Variants in GPC5 observed in about 807,000 individuals in gnomAD.
GPC5 encodes glypican 5, also known as glypican-5.
GPC5 carries 47 observed loss-of-function variants against 53.9 expected under a neutral mutation model. The observed-to-expected ratio is 0.87, with a 90% CI of 0.69 to 1.11. The LOEUF is 1.11. GPC5 is among the 50% of genes most tolerant of loss of function. The pLI is 0.00. For synonymous variants in GPC5, 286 were observed against 263.3 expected (o/e 1.09, Z -0.84); for missense variants, 748 against 713.1 (o/e 1.05, Z -0.56).
intron 6 of GPC5, among the ~76,000 whole-genome samples, chr13:92,132,068 GAATAA>G (rs2041748872): frequency 1.3e-5 from 2 of 151,978 alleles, no homozygotes; most frequent in African/African-American, 4.8e-5. Flanking sequence ...TGATATAATA[GAATAA>G]AATACAGCAA....
intron 6 of GPC5, among the ~76,000 whole-genome samples, chr13:91,971,829 G>T (rs1412857164): frequency 6.6e-6 from 1 of 152,190 alleles, no homozygotes; most frequent in Non-Finnish European, 1.5e-5. Flanking sequence ...TGGTCTGAGA[G>T]ACAGTTTGTT....
chr13:91,648,815 G>A (rs1215308438), intron 2 of GPC5, among the ~76,000 whole-genome samples: 1 of 152,122 alleles, frequency 6.6e-6, no homozygotes, highest in African/African-American at 2.4e-5. Context: ...TGGAGACAGA[G>A]CAAAAGGAAA....
chr13:91,684,162 C>A (rs1443243506), intron 2 of GPC5, among the ~76,000 whole-genome samples: 1 of 151,998 alleles, frequency 6.6e-6, no homozygotes, highest in Admixed American at 6.6e-5. Flanking sequence ...TATTCTAATT[C>A]TTGTTGCTGG....
chr13:92,637,758 TATG>T (rs1186434019), intron 7 of GPC5, among the ~76,000 whole-genome samples: 4 of 151,546 alleles, frequency 2.6e-5, no homozygotes, highest in African/African-American at 7.3e-5. Flanking sequence ...AGCAGAAAAA[TATG>T]ATACCATATT....
intron 6 of GPC5, among the ~76,000 whole-genome samples, chr13:91,933,860 T>C (rs2039845242): frequency 6.6e-6 from 1 of 152,014 alleles, no homozygotes; most frequent in African/African-American, 2.4e-5. Context: ...GCTGAATACA[T>C]GTTAATTTAA....
intron 5 of GPC5, among the ~76,000 whole-genome samples, chr13:91,783,524 C>G (rs1240162276): frequency 6.6e-6 from 1 of 152,128 alleles, no homozygotes; most frequent in African/African-American, 2.4e-5. Flanking sequence ...ACCTCCTTCT[C>G]CTGGGTTCAA....
At chr13:92,454,144 A>G (rs1040667416) in intron 7 of GPC5, among the ~76,000 whole-genome samples, 13 of 152,274 alleles carry the variant, frequency 8.5e-5, no homozygotes, top group African/African-American at 3.1e-4. Flanking sequence ...AAACAAAACA[A>G]TACAAAAATA....
chr13:92,307,260 C>A (rs1022775087), intron 7 of GPC5, among the ~76,000 whole-genome samples: 1 of 152,100 alleles, frequency 6.6e-6, no homozygotes, highest in Non-Finnish European at 1.5e-5. Context: ...GAGTTTGAGA[C>A]CAGCTTGACC....
At chr13:92,613,418 TATG>T (rs1369094731) in intron 7 of GPC5, among the ~76,000 whole-genome samples, 7 of 56,604 alleles carry the variant, frequency 1.2e-4, no homozygotes, top group Admixed American at 3.4e-4. Context: ...TATATATAAA[TATG>T]ATATATATTT....
At chr13:91,669,759 C>T (rs2139667157) in intron 2 of GPC5, among the ~76,000 whole-genome samples, 2 of 152,276 alleles carry the variant, frequency 1.3e-5, no homozygotes, top group South Asian at 4.1e-4. Context: ...AAAACCACAA[C>T]TAAAATTTCC....
intron 6 of GPC5, among the ~76,000 whole-genome samples, chr13:92,066,713 A>G (rs2041170551): frequency 6.6e-6 from 1 of 152,138 alleles, no homozygotes; most frequent in Non-Finnish European, 1.5e-5. Flanking sequence ...CAGCAAGGGT[A>G]TAGAATACTA....
At chr13:92,402,827 A>G (rs1281957579) in intron 7 of GPC5, among the ~76,000 whole-genome samples, 1 of 152,174 alleles carries the variant, frequency 6.6e-6, no homozygotes. Flanking sequence ...CATTTGGAAT[A>G]TCTCATTTGT....
intron 1 of GPC5, among the ~76,000 whole-genome samples, chr13:91,434,603 A>G (rs904911796): frequency 3.9e-5 from 6 of 152,290 alleles, no homozygotes; most frequent in Admixed American, 3.9e-4. Flanking sequence ...TGGTTACTGT[A>G]GCCTTGTAGT....
At chr13:92,141,357 T>A (rs1317380549) in intron 6 of GPC5, among the ~76,000 whole-genome samples, 1 of 152,172 alleles carries the variant, frequency 6.6e-6, no homozygotes, top group African/African-American at 2.4e-5. Context: ...TGGATATATC[T>A]GAATCACGCA....
chr13:91,432,221 G>A (rs1360842642), intron 1 of GPC5, among the ~76,000 whole-genome samples: 1 of 136,936 alleles, frequency 7.3e-6, no homozygotes, highest in South Asian at 2.3e-4. Context: ...GTGTGTGTGT[G>A]TGTGTGTGTG....
At chr13:92,353,515 T>A (rs961538216) in intron 7 of GPC5, among the ~76,000 whole-genome samples, 1 of 152,166 alleles carries the variant, frequency 6.6e-6, no homozygotes, top group Non-Finnish European at 1.5e-5. Context: ...ATTCTCAATT[T>A]GTCTCAGATT....
At chr13:92,136,562 G>A (rs1260498488) in intron 6 of GPC5, among the ~76,000 whole-genome samples, 1 of 152,080 alleles carries the variant, frequency 6.6e-6, no homozygotes, top group African/African-American at 2.4e-5. Flanking sequence ...GGTGACTAGA[G>A]GTACATCTAT....
chr13:92,453,209 C>A (rs1017654606), intron 7 of GPC5, among the ~76,000 whole-genome samples: 5 of 152,290 alleles, frequency 3.3e-5, no homozygotes, highest in South Asian at 2.1e-4. Flanking sequence ...ATTGCTCATT[C>A]TAATTTTATA....
At chr13:91,800,756 G>A (rs1458200536) in intron 5 of GPC5, among the ~76,000 whole-genome samples, 1 of 151,912 alleles carries the variant, frequency 6.6e-6, no homozygotes, top group African/African-American at 2.4e-5. Flanking sequence ...TAAAGGTTTG[G>A]GTACACTTGG....
Sources: allele counts gnomAD v4.1 joint callset (sites outside exome capture counted in the v4.1 genomes callset), GRCh38; gene constraint gnomAD v4.1.1; transcripts MANE v1.5; gene names NCBI Gene and HGNC (gene_info 2026-07-23, HGNC 2026-07-21).